DNAH6: variants seen among roughly 807,000 people sequenced by gnomAD.
The protein encoded by DNAH6 is dynein axonemal heavy chain 6, also known as axonemal beta dynein heavy chain 6.
Under a neutral mutation model 491.4 loss-of-function variants are expected in DNAH6, and 340 were observed. That is an observed-to-expected ratio of 0.69 (90% CI 0.63 to 0.76). The LOEUF is 0.76. DNAH6 is among the 30% of genes least tolerant of loss of function. DNAH6 has a pLI of 0.00. For synonymous variants in DNAH6, 1,603 were observed against 1,686.1 expected (o/e 0.95, Z 1.21); for missense variants, 4,443 against 4,972.2 (o/e 0.89, Z 3.20).
At chr2:84,581,852 G>A (rs1683064381) in intron 14 of DNAH6, among the ~76,000 whole-genome samples, 1 of 152,248 alleles carries the variant, frequency 6.6e-6, no homozygotes, top group Non-Finnish European at 1.5e-5. Flanking sequence ...AGAATGAGGT[G>A]ACCTATAGGT....
chr2:84,672,622 C>A (rs1353715892), intron 40 of DNAH6, 138 bp downstream of exon 40: 4 of 796,540 alleles, frequency 5.0e-6, no homozygotes, highest in Non-Finnish European at 7.9e-6. Flanking sequence ...TCTCATAATT[C>A]TGAAGACTAG....
intron 60 of DNAH6, 51 bp downstream of exon 60, chr2:84,722,855 A>G: frequency 9.0e-7 from 1 of 1,112,932 alleles, no homozygotes; most frequent in Non-Finnish European, 1.2e-6. Flanking sequence ...CCTCCATTAC[A>G]CCTGTTGAAT....
Position 84,653,769 on chromosome 2 carries a change from T to A in DNAH6, c.5529T>A (p.Ala1843=). Residue 1843 remains alanine (A), a synonymous_variant, in exon 34 of 77, where the codon GCT becomes GCA. Coordinates refer to ENST00000389394, the MANE Select transcript of DNAH6 (RefSeq NM_001370.2). ...TCATCAGTGATGGGCCAGTAGATGC[T>A]CTTTGGATTGAAAACATGAATACAG... ...KWIISDGPVD[A]LWIENMNTVL... is the part of the protein sequence containing the mutation. 6.4e-7 allele frequency: 1 copy of A among 1,551,396 alleles called. No individual in the cohort carries two copies. Among genetic ancestry groups the A allele is most frequent in the African/African-American group, 1.4e-5 (1 of 73,118 alleles).
chr2:84,502,946 C>A, the DNAH6 span, among the ~76,000 whole-genome samples: 1 of 152,096 alleles, frequency 6.6e-6, no homozygotes, highest in African/African-American at 2.4e-5. Flanking sequence ...TTCCTTCATT[C>A]AGCCAGTCTA....
chr2:84,674,849 G>A (rs1693079504), intron 40 of DNAH6, among the ~76,000 whole-genome samples: 1 of 152,094 alleles, frequency 6.6e-6, no homozygotes, highest in Non-Finnish European at 1.5e-5. Flanking sequence ...ACATGGAAAT[G>A]CCTCTCCCTG....
chr2:84,530,625 G>C (rs1332789300), intron 4 of DNAH6, among the ~76,000 whole-genome samples: 1 of 152,166 alleles, frequency 6.6e-6, no homozygotes, highest in East Asian at 1.9e-4. Context: ...GCTGTGTGAA[G>C]AATAGGCTTT....
Position 84,636,046 on chromosome 2 carries a change from T to C in DNAH6, c.4654-1164T>C, listed in dbSNP as rs190414649. ...TCTGCTAGATGCCTCTCCTCCCAAC[T>C]TACACCTCTTGAATTCTGGCTCTCA... On this transcript the variant is annotated intron_variant, in intron 30 of 76. Transcript: ENST00000389394. 1.1e-4 allele frequency among the ~76,000 whole-genome samples: 17 copies of C among 152,266 alleles called. 1 individual carries two copies. The East Asian group carries it at 1.9e-3, about 17-fold the overall frequency.
chr2:84,767,336 A>G (rs1675169300), intron 64 of DNAH6, among the ~76,000 whole-genome samples: 1 of 151,906 alleles, frequency 6.6e-6, no homozygotes, highest in Admixed American at 6.6e-5. Flanking sequence ...GTTTGAGACC[A>G]GACTGGACAA....
chr2:84,553,410 T>C (rs1458493631), intron 10 of DNAH6, among the ~76,000 whole-genome samples: 13 of 149,260 alleles, frequency 8.7e-5, no homozygotes, highest in African/African-American at 3.2e-4. Flanking sequence ...TCTTTCTTTC[T>C]TTCTTTCTTT....
At chr2:84,639,270 G>A (rs1689159607) in intron 31 of DNAH6, among the ~76,000 whole-genome samples, 1 of 152,120 alleles carries the variant, frequency 6.6e-6, no homozygotes, top group South Asian at 2.1e-4. Context: ...CAGGTTTAGA[G>A]TCCAGTCCAA....
intron 42 of DNAH6, among the ~76,000 whole-genome samples, chr2:84,681,800 C>G (rs1693804361): frequency 6.6e-6 from 1 of 152,054 alleles, no homozygotes; most frequent in Non-Finnish European, 1.5e-5. Context: ...CTAAATCTCC[C>G]AGACAACTTG....
chr2:84,702,524 T>C (rs1381632294), intron 49 of DNAH6, among the ~76,000 whole-genome samples: 2 of 151,504 alleles, frequency 1.3e-5, no homozygotes, highest in Non-Finnish European at 2.9e-5. Flanking sequence ...ATTTTTGAAA[T>C]CTGCCCATTT....
intron 2 of DNAH6, among the ~76,000 whole-genome samples, chr2:84,523,523 C>G (rs1676335352): frequency 6.6e-6 from 1 of 151,896 alleles, no homozygotes; most frequent in African/African-American, 2.4e-5. Context: ...TGTCACTTTT[C>G]TAGTTCTTTA....
intron 31 of DNAH6, among the ~76,000 whole-genome samples, chr2:84,639,372 C>T (rs1689172293): frequency 6.6e-6 from 1 of 150,954 alleles, no homozygotes; most frequent in East Asian, 1.9e-4. Context: ...GAGTGCTATT[C>T]CTATTATTTT....
At chr2:84,650,519 G>C (rs1255006671) in intron 33 of DNAH6, among the ~76,000 whole-genome samples, 2 of 149,604 alleles carry the variant, frequency 1.3e-5, no homozygotes, top group East Asian at 3.9e-4. Context: ...TTTTGGCTGA[G>C]ATGTCCTTAT....
Position 84,577,321 on chromosome 2 carries a change from C to T in DNAH6, c.1989C>T (p.Leu663=). The T allele has an allele frequency of 6.2e-7, 1 of 1,611,922 alleles. No individual in the cohort carries two copies. Residue 663 remains leucine, a synonymous_variant, in exon 13 of 77, where the codon CTC becomes CTT. Transcript: ENST00000389394. ...YHKQHKDAVA[L]RPTRNVGLLL... ...AACAGCACAAGGACGCAGTAGCGCT[C>T]AGACCCACCAGAAATGTAGGATTGC...
intron 11 of DNAH6, among the ~76,000 whole-genome samples, chr2:84,571,128 A>G (rs1681808825): frequency 6.6e-6 from 1 of 152,252 alleles, no homozygotes; most frequent in African/African-American, 2.4e-5. Flanking sequence ...TTGTGAAATA[A>G]TGAATTAACA....
At chr2:84,784,396 C>G (rs977429743) in intron 65 of DNAH6, among the ~76,000 whole-genome samples, 1 of 152,134 alleles carries the variant, frequency 6.6e-6, no homozygotes, top group African/African-American at 2.4e-5. Flanking sequence ...CAATAACTGC[C>G]CTCTTTTTCA....
At chr2:84,672,125 G>A (rs1435793907) in intron 39 of DNAH6, among the ~76,000 whole-genome samples, 1 of 152,182 alleles carries the variant, frequency 6.6e-6, no homozygotes, top group African/African-American at 2.4e-5. Context: ...ATGACAACGT[G>A]GACGTCTTGA....
Sources: gnomAD v4.1 joint callset for allele counts (sites outside exome capture counted in the v4.1 genomes callset) on GRCh38, gnomAD v4.1.1 for gene constraint, MANE v1.5 for transcripts, NCBI Gene and HGNC (gene_info 2026-07-23, HGNC 2026-07-21) for gene names.